The following NELL2 variants were observed in gnomAD, a reference collection of about 807,000 sequenced individuals.
NELL2 encodes neural EGFL like 2.
NELL2 carries 41 observed loss-of-function variants against 109.6 expected under a neutral mutation model. That is an observed-to-expected ratio of 0.37 (90% confidence interval 0.29 to 0.49). NELL2 has a LOEUF of 0.49. Ranked by LOEUF, NELL2 falls within the 20% of genes least tolerant of loss-of-function variation. The probability of loss-of-function intolerance (pLI) is 0.98; values close to 1 mark genes in which losing one functional copy is unlikely to be tolerated. For missense variants in NELL2, 900 were observed against 1,008.3 expected, an observed-to-expected ratio of 0.89 and a Z score of 1.45; for synonymous variants, 355 against 344.7, an observed-to-expected ratio of 1.03 and a Z score of -0.33.
chr12:44,901,275 T>C (rs962912018), intron 1 of NELL2, among the ~76,000 whole-genome samples: 2 of 152,176 alleles, frequency 1.3e-5, no homozygotes, highest in Non-Finnish European at 2.9e-5. Context: ...TAAATACATC[T>C]ACACAAATAA....
At chr12:44,744,273 C>T (rs1421492690) in intron 9 of NELL2, among the ~76,000 whole-genome samples, 1 of 151,976 alleles carries the variant, frequency 6.6e-6, no homozygotes, top group Non-Finnish European at 1.5e-5. Flanking sequence ...ACACAACATA[C>T]CAGAATCTCT....
intron 15 of NELL2, among the ~76,000 whole-genome samples, chr12:44,551,622 C>T (rs1458276570): frequency 6.6e-6 from 1 of 152,074 alleles, no homozygotes; most frequent in Non-Finnish European, 1.5e-5. Flanking sequence ...TTCACACAGG[C>T]AATAGCAACA....
intron 12 of NELL2, among the ~76,000 whole-genome samples, chr12:44,689,246 C>T (rs1174075619): frequency 6.6e-6 from 1 of 152,116 alleles, no homozygotes; most frequent in Non-Finnish European, 1.5e-5. Context: ...ATTTCTATGT[C>T]CCTATTGTCC....
At chr12:44,901,895 C>T (rs955541930) in intron 1 of NELL2, among the ~76,000 whole-genome samples, 2 of 152,074 alleles carry the variant, frequency 1.3e-5, no homozygotes, top group Non-Finnish European at 2.9e-5. Flanking sequence ...ATTGATGGAA[C>T]GTATCTCAAA....
intron 9 of NELL2, among the ~76,000 whole-genome samples, chr12:44,734,432 T>C (rs1034568596): frequency 7.3e-5 from 11 of 151,672 alleles, no homozygotes; most frequent in African/African-American, 2.7e-4. Context: ...TTTGAATGTT[T>C]AGTCTATGTA....
intron 14 of NELL2, 82 bp from the exon 15 acceptor site, chr12:44,607,346 C>G: frequency 9.8e-7 from 1 of 1,025,052 alleles, no homozygotes; most frequent in Non-Finnish European, 1.4e-6. Context: ...TCATTATCCC[C>G]TTGGAGATGT....
intron 16 of NELL2, among the ~76,000 whole-genome samples, chr12:44,525,570 CAT>C (rs1489666346): frequency 1.3e-5 from 2 of 152,194 alleles, no homozygotes; most frequent in African/African-American, 4.8e-5. Flanking sequence ...CATTTTTACA[CAT>C]AGTTTGGTTA....
chr12:44,667,390 G>A (rs1947958463), intron 12 of NELL2, among the ~76,000 whole-genome samples: 1 of 152,150 alleles, frequency 6.6e-6, no homozygotes, highest in Non-Finnish European at 1.5e-5. Flanking sequence ...ACTCTGTAAA[G>A]GGACAGATAG....
chr12:44,876,930 A>G, upstream of NELL2: 1 of 1,233,068 alleles, frequency 8.1e-7, no homozygotes, highest in Non-Finnish European at 1.0e-6. Flanking sequence ...GGGGCGCTGG[A>G]GAGCTTCCCC....
At chr12:44,886,327 G>A (rs2703042) in intron 1 of NELL2, among the ~76,000 whole-genome samples, 1,872 of 151,834 alleles carry the variant, frequency 0.012, 68 homozygotes, top group African/African-American at 0.044. Context: ...AGAAAAAATC[G>A]AGAAATTATA....
At chr12:44,909,598 A>G (rs185231774) in intron 1 of NELL2, among the ~76,000 whole-genome samples, 17 of 152,106 alleles carry the variant, frequency 1.1e-4, no homozygotes, top group Middle Eastern at 6.8e-3. Context: ...TCTAAAATTC[A>G]TATGGAACCA....
intron 2 of NELL2, among the ~76,000 whole-genome samples, chr12:44,853,627 T>C (rs1944594100): frequency 6.6e-6 from 1 of 152,168 alleles, no homozygotes; most frequent in Non-Finnish European, 1.5e-5. Context: ...AAATTCAATC[T>C]GAACATCAGG....
chr12:44,671,295 G>A (rs936000024), intron 12 of NELL2, among the ~76,000 whole-genome samples: 4 of 152,108 alleles, frequency 2.6e-5, no homozygotes, highest in East Asian at 1.9e-4. Flanking sequence ...TAAAAACAGC[G>A]CTAAGAGGGA....
At chr12:44,610,807 T>A (rs768501806) in intron 14 of NELL2, 41 bp downstream of exon 14, 1 of 1,611,912 alleles carries the variant, frequency 6.2e-7, no homozygotes, top group East Asian at 2.2e-5. Context: ...ATGGATGGCA[T>A]TATACATAAT....
At chr12:44,700,538 C>T (rs1949198613) in intron 12 of NELL2, among the ~76,000 whole-genome samples, 1 of 152,050 alleles carries the variant, frequency 6.6e-6, no homozygotes, top group African/African-American at 2.4e-5. Context: ...CCTGAAGGCC[C>T]TTAGATATGC....
chr12:44,863,716 A>G (rs1032749723), intron 2 of NELL2, among the ~76,000 whole-genome samples: 2 of 152,218 alleles, frequency 1.3e-5, no homozygotes, highest in African/African-American at 2.4e-5. Flanking sequence ...AACATCTGAA[A>G]TATAAAACTC....
intron 9 of NELL2, among the ~76,000 whole-genome samples, chr12:44,740,275 A>G (rs865886367): frequency 6.6e-6 from 1 of 152,282 alleles, no homozygotes; most frequent in African/African-American, 2.4e-5. Flanking sequence ...CAGATGATAT[A>G]CTGATGTTTC....
At chr12:44,553,678 G>A (rs1481099664) in intron 15 of NELL2, among the ~76,000 whole-genome samples, 3 of 151,980 alleles carry the variant, frequency 2.0e-5, no homozygotes, top group Non-Finnish European at 2.9e-5. Context: ...TATGGGTATC[G>A]AAAATCACAT....
chr12:44,528,097 C>CAAAAAAAAAAAAAAAAAAAAAAAAAAAA (rs71093812), intron 16 of NELL2, among the ~76,000 whole-genome samples: 4 of 22,000 alleles, frequency 1.8e-4, no homozygotes, highest in Admixed American at 7.8e-4. Context: ...GACTCCGTCT[C>CAAAAAAAAAAAAAAAAAAAAAAAAAAAA]AAAAAAAAAA....
Sources: gnomAD v4.1 joint callset for allele counts (sites outside exome capture counted in the v4.1 genomes callset) on GRCh38, gnomAD v4.1.1 for gene constraint, MANE v1.5 for transcripts, NCBI Gene and HGNC (gene_info 2026-07-23, HGNC 2026-07-21) for gene names.